Variants in NAALADL2 observed in about 807,000 individuals in gnomAD.
NAALADL2 encodes the protein N-acetylated alpha-linked acidic dipeptidase like 2.
In NAALADL2, 76 loss-of-function variants were observed where a neutral mutation model predicts 87.2. That is an observed-to-expected ratio of 0.87 (90% CI 0.72 to 1.05). NAALADL2 has a LOEUF of 1.05. Among genes scored for constraint, NAALADL2 ranks in the 50% least tolerant of loss-of-function variants. NAALADL2 has a pLI of 0.00. For missense variants in NAALADL2, 1,089 were observed against 945.8 expected (o/e 1.15, Z -1.99); for synonymous variants, 354 against 331.0 (o/e 1.07, Z -0.75).
intron 11 of NAALADL2, among the ~76,000 whole-genome samples, chr3:175,685,188 C>T (rs116386293): frequency 0.018 from 2,690 of 152,168 alleles, 90 homozygotes; most frequent in African/African-American, 0.062. Context: ...GCAAATAGTA[C>T]CCTCCTTAAG....
At chr3:174,538,723 C>T (rs1239867129) in intron 1 of NAALADL2, among the ~76,000 whole-genome samples, 1 of 152,050 alleles carries the variant, frequency 6.6e-6, no homozygotes, top group African/African-American at 2.4e-5. Context: ...TCTCTATAAC[C>T]CCTTATCTTA....
chr3:174,633,483 A>G (rs552021319), intron 2 of NAALADL2, among the ~76,000 whole-genome samples: 1 of 152,328 alleles, frequency 6.6e-6, no homozygotes, highest in Admixed American at 6.5e-5. Flanking sequence ...TTCCCTTCAA[A>G]TATTTATCCA....
intron 11 of NAALADL2, among the ~76,000 whole-genome samples, chr3:175,666,758 T>G (rs1733057068): frequency 6.6e-6 from 1 of 152,124 alleles, no homozygotes; most frequent in Non-Finnish European, 1.5e-5. Flanking sequence ...TATTTGGAAG[T>G]CTTAGCACCT....
intron 5 of NAALADL2, among the ~76,000 whole-genome samples, chr3:175,353,239 G>A (rs1306231232): frequency 6.6e-6 from 1 of 151,820 alleles, no homozygotes; most frequent in South Asian, 2.1e-4. Context: ...GAGTGTGATG[G>A]CATGCACCAG....
At chr3:175,788,668 G>A (rs1752406764) in intron 13 of NAALADL2, among the ~76,000 whole-genome samples, 1 of 152,096 alleles carries the variant, frequency 6.6e-6, no homozygotes, top group African/African-American at 2.4e-5. Context: ...TATTCCTGTA[G>A]TTAAGTAATA....
At chr3:174,533,059 A>G (rs1397278121) in intron 1 of NAALADL2, among the ~76,000 whole-genome samples, 1 of 146,054 alleles carries the variant, frequency 6.8e-6, no homozygotes, top group Non-Finnish European at 1.5e-5. Context: ...CATTACAGAC[A>G]CCCCTTACCC....
At chr3:175,639,940 C>T (rs1055569495) in intron 11 of NAALADL2, among the ~76,000 whole-genome samples, 49 of 151,920 alleles carry the variant, frequency 3.2e-4, no homozygotes, top group African/African-American at 1.2e-3. Flanking sequence ...GTTGGATATG[C>T]CAGAATGGAT....
intron 1 of NAALADL2, among the ~76,000 whole-genome samples, chr3:174,522,953 A>C (rs867675458): frequency 6.7e-6 from 1 of 148,726 alleles, no homozygotes. Flanking sequence ...AAAAAAAAAA[A>C]AAAAGAAAAA....
At chr3:174,454,526 C>T (rs991857630) in intron 1 of NAALADL2, among the ~76,000 whole-genome samples, 3 of 152,030 alleles carry the variant, frequency 2.0e-5, no homozygotes, top group Non-Finnish European at 4.4e-5. Flanking sequence ...GAATTGAAAT[C>T]GTAAGAACCA....
At chr3:175,764,530 C>G (rs757123611) in intron 13 of NAALADL2, among the ~76,000 whole-genome samples, 1 of 112,880 alleles carries the variant, frequency 8.9e-6, no homozygotes, top group Non-Finnish European at 1.7e-5. Flanking sequence ...CAAGCTAATC[C>G]AAGCCAAGAC....
chr3:174,981,004 G>C (rs1312999828), intron 1 of NAALADL2, among the ~76,000 whole-genome samples: 1 of 151,994 alleles, frequency 6.6e-6, no homozygotes, highest in Admixed American at 6.5e-5. Context: ...GCTCATAAAA[G>C]ATAAAAATAA....
rs771283341 is a variant in NAALADL2 at position 175,803,171 on chromosome 3, G to C, written c.2356G>C (p.Val786Leu). Reference protein sequence around the residue: ...AQVYFKAGLDVFKSVLDGKN With the variant: ...AQVYFKAGLDLFKSVLDGKN ...GGTTTACTTCAAAGCAGGACTTGAT[G>C]TGTTCAAGAGTGTCTTGGATGGGAA... Residue 786 changes from valine to leucine, a missense_variant, in exon 14 of 14, where the codon GTG becomes CTG. Val to Leu is a conservative substitution (Grantham distance 32). Transcript: ENST00000454872. 7.5e-6 allele frequency: 12 copies of C among 1,609,696 alleles called. No homozygotes were observed. The East Asian group carries it at 2.7e-4, about 36-fold the overall frequency.
At chr3:175,799,579 T>C (rs1308874700) in intron 13 of NAALADL2, among the ~76,000 whole-genome samples, 2 of 152,148 alleles carry the variant, frequency 1.3e-5, no homozygotes, top group Non-Finnish European at 2.9e-5. Context: ...ATAGGTTCTG[T>C]CACGTACAAA....
At chr3:175,168,206 T>TA (rs1734263478) in intron 2 of NAALADL2, among the ~76,000 whole-genome samples, 1 of 151,846 alleles carries the variant, frequency 6.6e-6, no homozygotes, top group South Asian at 2.1e-4. Context: ...TGTGGCAGCA[T>TA]AAAAATGAAA....
intron 3 of NAALADL2, among the ~76,000 whole-genome samples, chr3:174,796,542 A>G (rs1232907766): frequency 1.1e-4 from 17 of 152,102 alleles, no homozygotes; most frequent in Non-Finnish European, 1.0e-4. Context: ...ATGTTGTGCT[A>G]AAGACATGAT....
chr3:174,572,047 G>A (rs1330721786), intron 2 of NAALADL2, among the ~76,000 whole-genome samples: 3 of 152,154 alleles, frequency 2.0e-5, no homozygotes, highest in Non-Finnish European at 4.4e-5. Flanking sequence ...ACCGGACAAG[G>A]AAAATATTAC....
At chr3:174,777,641 A>G (rs1560216462) in intron 3 of NAALADL2, among the ~76,000 whole-genome samples, 1 of 152,154 alleles carries the variant, frequency 6.6e-6, no homozygotes, top group Non-Finnish European at 1.5e-5. Context: ...GTGGGAACAC[A>G]CTAACATGGC....
At chr3:175,164,458 T>A (rs1733698720) in intron 2 of NAALADL2, among the ~76,000 whole-genome samples, 2 of 152,036 alleles carry the variant, frequency 1.3e-5, no homozygotes, top group Non-Finnish European at 2.9e-5. Context: ...GGAAACTGAA[T>A]AGAAAATTAT....
At chr3:175,709,444 TCTTTGTTTAAAAAGTATA>T (rs1365376821) in intron 11 of NAALADL2, among the ~76,000 whole-genome samples, 5 of 152,062 alleles carry the variant, frequency 3.3e-5, no homozygotes, top group African/African-American at 1.2e-4. Flanking sequence ...CAAATGGAGA[TCTTTGTTTAAAAAGTATA>T]CTTTGTTTAC....
Sources: gnomAD v4.1 joint callset for allele counts (sites outside exome capture counted in the v4.1 genomes callset) on GRCh38, gnomAD v4.1.1 for gene constraint, MANE v1.5 for transcripts, NCBI Gene and HGNC (gene_info 2026-07-23, HGNC 2026-07-21) for gene names.